HDAC9: variants seen among roughly 807,000 people sequenced by gnomAD.
HDAC9 encodes the protein histone deacetylase 9.
In HDAC9, 41 loss-of-function variants were observed where a neutral mutation model predicts 139.4. That is an observed-to-expected ratio of 0.29 (90% CI 0.23 to 0.38). HDAC9 has a LOEUF of 0.38. Among genes scored for constraint, HDAC9 ranks in the 10% least tolerant of loss-of-function variants. The pLI is 1.00. For synonymous variants in HDAC9, 517 were observed against 476.2 expected, an observed-to-expected ratio of 1.09 and a Z score of -1.12; for missense variants, 1,147 against 1,297.0, an observed-to-expected ratio of 0.88 and a Z score of 1.78.
At chr7:18,840,289 TGTA>T (rs1157627801) in intron 21 of HDAC9, among the ~76,000 whole-genome samples, 1 of 152,082 alleles carries the variant, frequency 6.6e-6, no homozygotes, top group African/African-American at 2.4e-5. Context: ...GTCAGTATGT[TGTA>T]GTATGTAGCT....
At chr7:18,813,885 C>T (rs143712917) in intron 17 of HDAC9, among the ~76,000 whole-genome samples, 1 of 152,204 alleles carries the variant, frequency 6.6e-6, no homozygotes, top group Non-Finnish European at 1.5e-5. Flanking sequence ...AGCTAGTTGT[C>T]TGGTCTATGG....
At chr7:18,144,415 CT>C (rs1161027588) in intron 1 of HDAC9, among the ~76,000 whole-genome samples, 1 of 152,158 alleles carries the variant, frequency 6.6e-6, no homozygotes, top group Non-Finnish European at 1.5e-5. Flanking sequence ...ACCCTGTCAT[CT>C]TTTGGCCCTG....
At chr7:18,383,547 A>G (rs1394844297) in intron 1 of HDAC9, among the ~76,000 whole-genome samples, 2 of 152,192 alleles carry the variant, frequency 1.3e-5, no homozygotes, top group African/African-American at 4.8e-5. Context: ...TTTACTTCAC[A>G]TTATATACTG....
chr7:18,424,637 A>C (rs1332381311), intron 1 of HDAC9, among the ~76,000 whole-genome samples: 1 of 152,226 alleles, frequency 6.6e-6, no homozygotes, highest in Non-Finnish European at 1.5e-5. Context: ...GGCTGGGCGC[A>C]GTGGCTCATG....
At chr7:18,733,423 C>A (rs1345528164) in intron 13 of HDAC9, among the ~76,000 whole-genome samples, 2 of 150,484 alleles carry the variant, frequency 1.3e-5, no homozygotes, top group African/African-American at 4.9e-5. Flanking sequence ...CTAATTTTTT[C>A]TTTTGTCAGG....
intron 1 of HDAC9, among the ~76,000 whole-genome samples, chr7:18,490,612 C>T (rs139880674): frequency 4.8e-4 from 73 of 151,962 alleles, no homozygotes; most frequent in African/African-American, 1.6e-3. Context: ...AATTGAGTAT[C>T]CCTTATTCAC....
At chr7:18,533,618 T>C (rs1809813526) in intron 2 of HDAC9, among the ~76,000 whole-genome samples, 1 of 152,216 alleles carries the variant, frequency 6.6e-6, no homozygotes, top group East Asian at 1.9e-4. Context: ...ATCTCTGTGG[T>C]TCTAAAATTG....
intron 1 of HDAC9, among the ~76,000 whole-genome samples, chr7:18,416,245 G>A (rs551605680): frequency 3.9e-5 from 6 of 152,016 alleles, no homozygotes; most frequent in African/African-American, 9.6e-5. Context: ...GCAGTGAGCC[G>A]AGATCGTGCC....
intron 12 of HDAC9, among the ~76,000 whole-genome samples, chr7:18,717,909 G>T (rs906423995): frequency 1.3e-5 from 2 of 152,084 alleles, no homozygotes; most frequent in Admixed American, 6.5e-5. Flanking sequence ...AATTAATTTT[G>T]AGATAGTGGG....
chr7:18,677,634 C>T (rs946727697), intron 12 of HDAC9, among the ~76,000 whole-genome samples: 1 of 151,876 alleles, frequency 6.6e-6, no homozygotes, highest in African/African-American at 2.4e-5. Context: ...CTTGTTTACA[C>T]TTGATATTGT....
intron 1 of HDAC9, among the ~76,000 whole-genome samples, chr7:18,097,982 A>C (rs1186642712): frequency 6.6e-6 from 1 of 152,204 alleles, no homozygotes; most frequent in African/African-American, 2.4e-5. Flanking sequence ...TTTCAAATTT[A>C]TTATAATCTG....
intron 16 of HDAC9, among the ~76,000 whole-genome samples, chr7:18,768,818 G>A (rs981017040): frequency 6.6e-6 from 1 of 152,086 alleles, no homozygotes; most frequent in African/African-American, 2.4e-5. Context: ...TTATGATGGT[G>A]CAAAAGTGTT....
At chr7:18,395,319 A>G (rs1786919393) in intron 1 of HDAC9, 1 of 152,166 alleles carries the variant, frequency 6.6e-6, no homozygotes, top group South Asian at 2.1e-4. Flanking sequence ...GGTAATTTTG[A>G]GTATTTAATG....
intron 22 of HDAC9, among the ~76,000 whole-genome samples, chr7:18,928,170 T>G (rs1010522030): frequency 6.6e-5 from 10 of 152,208 alleles, no homozygotes; most frequent in Non-Finnish European, 1.3e-4. Flanking sequence ...GAATTCCCTG[T>G]TCAACCTACT....
chr7:18,667,983 T>A, intron 12 of HDAC9: 8 of 970,372 alleles, frequency 8.2e-6, no homozygotes, highest in Non-Finnish European at 9.8e-6. Flanking sequence ...TTTATATTTC[T>A]AAATCCGAGG....
intron 1 of HDAC9, among the ~76,000 whole-genome samples, chr7:18,118,594 A>G (rs1252880336): frequency 1.3e-5 from 2 of 152,166 alleles, no homozygotes; most frequent in Admixed American, 1.3e-4. Context: ...TATAGTTGCT[A>G]TTATTGACAT....
intron 21 of HDAC9, among the ~76,000 whole-genome samples, chr7:18,841,209 G>A (rs956413267): frequency 1.3e-5 from 2 of 151,916 alleles, no homozygotes; most frequent in African/African-American, 2.4e-5. Flanking sequence ...TGAAAAAGAG[G>A]TTTCTAAATT....
intron 17 of HDAC9, among the ~76,000 whole-genome samples, chr7:18,817,559 C>T (rs772266431): frequency 6.6e-6 from 1 of 152,158 alleles, no homozygotes; most frequent in Non-Finnish European, 1.5e-5. Flanking sequence ...GATTTCTTGA[C>T]CTCTGTACAA....
At chr7:18,904,810 C>G (rs566763359) in intron 22 of HDAC9, among the ~76,000 whole-genome samples, 2 of 151,926 alleles carry the variant, frequency 1.3e-5, no homozygotes, top group South Asian at 2.1e-4. Flanking sequence ...CTCCTGACCT[C>G]GTGATCCGCC....
Sources: allele counts gnomAD v4.1 joint callset (sites outside exome capture counted in the v4.1 genomes callset), GRCh38; gene constraint gnomAD v4.1.1; transcripts MANE v1.5; gene names NCBI Gene and HGNC (gene_info 2026-07-23, HGNC 2026-07-21).